Variants in CSMD1 observed in about 807,000 individuals in gnomAD.
The protein encoded by CSMD1 is CUB and sushi domain-containing protein 1.
Under a neutral mutation model 417.5 loss-of-function variants are expected in CSMD1, and 213 were observed. The ratio of observed to expected loss-of-function variants is 0.51; its 90% CI spans 0.46 to 0.57. The LOEUF is 0.57. Ranked by LOEUF, CSMD1 falls within the 20% of genes least tolerant of loss-of-function variation. The probability of loss-of-function intolerance (pLI) is 0.00; values close to 1 mark genes in which losing one functional copy is unlikely to be tolerated. For synonymous variants in CSMD1, 2,862 were observed against 1,736.8 expected (o/e 1.65, Z -16.11); for missense variants, 6,923 against 4,529.7 (o/e 1.53, Z -15.17).
chr8:3,397,105 A>C (rs1341355331), intron 16 of CSMD1, among the ~76,000 whole-genome samples: 1 of 152,060 alleles, frequency 6.6e-6, no homozygotes, highest in African/African-American at 2.4e-5. Context: ...CTGTGATGCA[A>C]TGTAGGTACC....
At chr8:4,287,685 AC>A (rs1554518830) in intron 3 of CSMD1, among the ~76,000 whole-genome samples, 1 of 147,670 alleles carries the variant, frequency 6.8e-6, no homozygotes, top group African/African-American at 2.5e-5. Context: ...TATTATTATT[AC>A]TACTACTTTG....
chr8:3,946,977 CA>C lies in CSMD1; in HGVS notation c.818+50925del, dbSNP rs199874417. 2.0e-5 allele frequency among the ~76,000 whole-genome samples: 3 copies of C among 152,148 alleles called. No individual in the cohort carries two copies. In the East Asian group the frequency reaches 5.8e-4, roughly 29 times the overall value. On this transcript the variant is annotated intron_variant, in intron 5 of 69. Transcript: ENST00000635120. ...AAAACAAAATTCACAGCAATCACAT[CA>C]TATAAATAAATACGTTGGATCTCAT...
intron 27 of CSMD1, among the ~76,000 whole-genome samples, chr8:3,224,559 T>G (rs940340216): frequency 6.6e-6 from 1 of 152,190 alleles, no homozygotes; most frequent in Non-Finnish European, 1.5e-5. Flanking sequence ...TAAGTATACA[T>G]ATCAGTGAGG....
At chr8:4,756,847 G>A (rs1265239301) in intron 1 of CSMD1, among the ~76,000 whole-genome samples, 4 of 152,282 alleles carry the variant, frequency 2.6e-5, no homozygotes, top group Non-Finnish European at 4.4e-5. Flanking sequence ...CACAGTGACT[G>A]AAAAAGGGTG....
chr8:4,782,342 C>T (rs142901366), intron 1 of CSMD1, among the ~76,000 whole-genome samples: 1 of 152,060 alleles, frequency 6.6e-6, no homozygotes, highest in Non-Finnish European at 1.5e-5. Context: ...TGTATCTAAG[C>T]ATTAAAACTA....
At chr8:4,455,866 T>C (rs1389714945) in intron 2 of CSMD1, among the ~76,000 whole-genome samples, 1 of 125,364 alleles carries the variant, frequency 8.0e-6, no homozygotes, top group Non-Finnish European at 1.6e-5. Context: ...GGGAGACAGG[T>C]TGCAGTGAGC....
Position 4,825,804 on chromosome 8 carries a change from A to G in CSMD1, c.85+168528T>C, listed in dbSNP as rs545839315. 9.9e-5 allele frequency among the ~76,000 whole-genome samples: 15 copies of G among 152,112 alleles called. No individual in the cohort carries two copies. In the East Asian group the frequency reaches 2.9e-3, roughly 29 times the overall value. On this transcript the variant is annotated intron_variant, in intron 1 of 69. Coordinates refer to ENST00000635120, the MANE Select transcript of CSMD1 (RefSeq NM_033225.6). ...CAAATGCAAAAAAAAAAGAAAAAAA[A>G]AAGAAATCCCACAATCCAATTAAGA...
intron 25 of CSMD1, among the ~76,000 whole-genome samples, chr8:3,306,916 G>T (rs1477944001): frequency 1.3e-5 from 2 of 151,554 alleles, no homozygotes; most frequent in African/African-American, 4.9e-5. Context: ...ACTCACTATT[G>T]GAATAGAACA....
intron 3 of CSMD1, among the ~76,000 whole-genome samples, chr8:4,213,251 G>C (rs1306777022): frequency 4.6e-5 from 7 of 152,158 alleles, no homozygotes; most frequent in Non-Finnish European, 1.0e-4. Flanking sequence ...GCTCCATTCT[G>C]TCAGCAAGTG....
At chr8:4,790,524 G>C (rs1331761132) in intron 1 of CSMD1, among the ~76,000 whole-genome samples, 1 of 152,228 alleles carries the variant, frequency 6.6e-6, no homozygotes, top group East Asian at 1.9e-4. Context: ...GAAAAGCTAA[G>C]GCAATCCTAA....
intron 7 of CSMD1, among the ~76,000 whole-genome samples, chr8:3,648,091 G>C (rs1316457731): frequency 6.6e-6 from 1 of 152,198 alleles, no homozygotes; most frequent in African/African-American, 2.4e-5. Context: ...TGTTCTAGCT[G>C]CAGGAAGGAG....
intron 7 of CSMD1, among the ~76,000 whole-genome samples, chr8:3,672,435 A>G (rs117637453): frequency 0.013 from 1,948 of 152,302 alleles, 26 homozygotes; most frequent in Non-Finnish European, 0.021. Flanking sequence ...TGCTGGTATC[A>G]GAGTGTGGGA....
At chr8:3,921,066 C>T (rs1009268912) in intron 5 of CSMD1, among the ~76,000 whole-genome samples, 7 of 152,020 alleles carry the variant, frequency 4.6e-5, no homozygotes, top group Admixed American at 1.3e-4. Context: ...TTTAAATGTT[C>T]GATAAAATTT....
chr8:4,211,065 T>C (rs1800279217), intron 3 of CSMD1, among the ~76,000 whole-genome samples: 1 of 152,208 alleles, frequency 6.6e-6, no homozygotes, highest in Non-Finnish European at 1.5e-5. Flanking sequence ...CCTTAAGAAA[T>C]TCATGTTCAC....
intron 10 of CSMD1, among the ~76,000 whole-genome samples, chr8:3,545,226 G>C (rs1012669354): frequency 6.6e-6 from 1 of 152,258 alleles, no homozygotes; most frequent in Admixed American, 6.5e-5. Flanking sequence ...CTGTCTATAT[G>C]TGTATATATG....
chr8:4,257,999 G>A (rs1173697547), intron 3 of CSMD1, among the ~76,000 whole-genome samples: 2 of 152,048 alleles, frequency 1.3e-5, no homozygotes, highest in African/African-American at 2.4e-5. Context: ...TAGAATAAGT[G>A]GATTAAACAA....
intron 1 of CSMD1, among the ~76,000 whole-genome samples, chr8:4,922,236 G>A (rs917822366): frequency 6.6e-6 from 1 of 152,072 alleles, no homozygotes; most frequent in Admixed American, 6.6e-5. Flanking sequence ...TGTACCTTCA[G>A]TTCTAATGGC....
In CSMD1 at chr8:3,142,690, C is replaced by G; in HGVS notation, c.6032-16G>C. On this transcript the variant is annotated splice_polypyrimidine_tract_variant and intron_variant, in intron 40 of 69. Coordinates refer to ENST00000635120, the MANE Select transcript of CSMD1 (RefSeq NM_033225.6). The stretch of plus-strand genomic sequence containing the variant: ...ATATGTGCACCTATGGAAAAACATG[C>G]AAACTTAATGAAAGTTCATATCAAA... 6.3e-7 allele frequency: 1 copy of G among 1,582,220 alleles called. No individual in the cohort carries two copies. The highest frequency in any genetic ancestry group is 8.7e-7 in the Non-Finnish European group (1 of 1,151,222).
chr8:4,656,710 G>C lies in CSMD1; in HGVS notation c.86-19152C>G, dbSNP rs368013543. On this transcript the variant is annotated intron_variant, in intron 1 of 69. Coordinates refer to ENST00000635120, the MANE Select transcript of CSMD1 (RefSeq NM_033225.6). Reference sequence around the variant, plus strand: ...CCAGTTACCTGCCAGAGCAACAATGGGACACTCACTCCAGAACAGTGTTTG... The same window carrying C: ...CCAGTTACCTGCCAGAGCAACAATGCGACACTCACTCCAGAACAGTGTTTG... 3.3e-5 allele frequency among the ~76,000 whole-genome samples: 5 copies of C among 152,036 alleles called. No homozygotes were observed. In the South Asian group the frequency reaches 8.3e-4, roughly 25 times the overall value.
Sources: allele counts gnomAD v4.1 joint callset (sites outside exome capture counted in the v4.1 genomes callset), GRCh38; gene constraint gnomAD v4.1.1; transcripts MANE v1.5; gene names NCBI Gene and HGNC (gene_info 2026-07-23, HGNC 2026-07-21).